PCDH9: variants seen among roughly 807,000 people sequenced by gnomAD.
The protein encoded by PCDH9 is protocadherin 9.
In PCDH9, 24 loss-of-function variants were observed where a neutral mutation model predicts 70.6. The observed-to-expected ratio is 0.34, with a 90% CI of 0.25 to 0.48. The LOEUF (loss-of-function observed/expected upper bound fraction) is 0.48, where lower values mean the gene tolerates loss of function less well. PCDH9 is among the 20% of genes least tolerant of loss of function. The pLI is 0.99. For missense variants in PCDH9, 1,281 were observed against 1,503.6 expected (o/e 0.85, Z 2.45); for synonymous variants, 562 against 558.5 (o/e 1.01, Z -0.09).
chr13:66,959,984 G>A (rs2083320857), intron 2 of PCDH9, among the ~76,000 whole-genome samples: 1 of 152,048 alleles, frequency 6.6e-6, no homozygotes. Flanking sequence ...TTCTAAAACA[G>A]CATCTAACAA....
chr13:66,615,025 A>G (rs2077338760), intron 4 of PCDH9, among the ~76,000 whole-genome samples: 1 of 152,228 alleles, frequency 6.6e-6, no homozygotes, highest in Non-Finnish European at 1.5e-5. Flanking sequence ...TCAAATAAGG[A>G]AGAGGAACAG....
intron 4 of PCDH9, among the ~76,000 whole-genome samples, chr13:66,534,509 A>G (rs1960605619): frequency 6.6e-6 from 1 of 152,022 alleles, no homozygotes; most frequent in Non-Finnish European, 1.5e-5. Context: ...AAGTGTATTT[A>G]TCCCACTCCT....
chr13:66,521,528 A>G (rs778938196), intron 4 of PCDH9, among the ~76,000 whole-genome samples: 1 of 152,160 alleles, frequency 6.6e-6, no homozygotes, highest in African/African-American at 2.4e-5. Context: ...AAAAGAAACT[A>G]CCTTTCAGTA....
Position 66,944,815 on chromosome 13 carries a change from C to CTGTGTGTG in PCDH9, c.3037-41211_3037-41210insCACACACA, listed in dbSNP as rs1412776510. Among the ~76,000 whole-genome samples, 10 of 60,138 alleles carry CTGTGTGTG rather than the reference C, an allele frequency of 1.7e-4. No individual in the cohort carries two copies. In the East Asian group the frequency reaches 2.0e-3, roughly 12 times the overall value. The allele number at this position is 60,138 out of a possible 152,430, so 39.5% of individuals were successfully genotyped here. On this transcript the variant is annotated intron_variant, in intron 2 of 4. Transcript: ENST00000377865. Reference sequence around the variant, plus strand: ...CATTTAAGGCCCATCTTCTAATCGTCTCTGTGTGTGTGTGTGTGTGTGTGT... The same window carrying CTGTGTGTG: ...CATTTAAGGCCCATCTTCTAATCGTCTGTGTGTGTCTGTGTGTGTGTGTGTGTGTGTGT...
At chr13:66,616,204 A>G (rs1304601993) in intron 4 of PCDH9, among the ~76,000 whole-genome samples, 1 of 152,184 alleles carries the variant, frequency 6.6e-6, no homozygotes, top group East Asian at 1.9e-4. Flanking sequence ...TCCAACTCAC[A>G]GGTGTTTGAG....
At chr13:66,427,738 T>C (rs968342991) in intron 4 of PCDH9, among the ~76,000 whole-genome samples, 1 of 151,722 alleles carries the variant, frequency 6.6e-6, no homozygotes, top group Non-Finnish European at 1.5e-5. Context: ...CGAAGAATGC[T>C]CAAGTATTGC....
At chr13:66,506,226 T>A (rs1780596172) in intron 4 of PCDH9, among the ~76,000 whole-genome samples, 2 of 152,164 alleles carry the variant, frequency 1.3e-5, no homozygotes, top group Admixed American at 1.3e-4. Flanking sequence ...GGGAGAAGGA[T>A]CCAGTTTTCA....
intron 3 of PCDH9, among the ~76,000 whole-genome samples, chr13:66,783,417 C>G (rs535988066): frequency 2.0e-5 from 3 of 152,022 alleles, no homozygotes; most frequent in Admixed American, 6.6e-5. Flanking sequence ...ACAGACACCT[C>G]GATCATACTT....
intron 4 of PCDH9, among the ~76,000 whole-genome samples, chr13:66,509,257 A>C (rs2138579863): frequency 6.6e-6 from 1 of 152,250 alleles, no homozygotes; most frequent in South Asian, 2.1e-4. Flanking sequence ...AAATGTAGGT[A>C]AATCTTTTCC....
chr13:67,149,168 T>C (rs1003163665), intron 2 of PCDH9, among the ~76,000 whole-genome samples: 3 of 152,136 alleles, frequency 2.0e-5, no homozygotes, highest in African/African-American at 7.2e-5. Flanking sequence ...AATAATTACA[T>C]TTAAAAAATG....
chr13:66,865,444 G>C (rs1465308183), intron 3 of PCDH9, among the ~76,000 whole-genome samples: 2 of 152,112 alleles, frequency 1.3e-5, no homozygotes, highest in Non-Finnish European at 2.9e-5. Context: ...TTACTAAAAT[G>C]ACTAAATAAT....
At chr13:67,000,389 AG>A (rs1327377777) in intron 2 of PCDH9, among the ~76,000 whole-genome samples, 2 of 151,056 alleles carry the variant, frequency 1.3e-5, no homozygotes, top group African/African-American at 4.9e-5. Flanking sequence ...CTAAATGACG[AG>A]TTAATGGGTG....
chr13:66,639,891 T>C (rs1031599584), intron 3 of PCDH9, among the ~76,000 whole-genome samples: 3 of 152,178 alleles, frequency 2.0e-5, no homozygotes, highest in Non-Finnish European at 2.9e-5. Flanking sequence ...GTACTTTATC[T>C]GAGCACACGA....
intron 4 of PCDH9, among the ~76,000 whole-genome samples, chr13:66,370,446 C>T (rs968822312): frequency 2.6e-5 from 4 of 151,406 alleles, no homozygotes; most frequent in African/African-American, 9.7e-5. Flanking sequence ...AATTGGACTT[C>T]TGTTGCCATA....
intron 3 of PCDH9, among the ~76,000 whole-genome samples, chr13:66,794,566 A>G (rs1357827198): frequency 3.3e-5 from 5 of 152,112 alleles, no homozygotes; most frequent in Non-Finnish European, 7.4e-5. Flanking sequence ...CCTTAGGATA[A>G]CAGCCACCAT....
chr13:66,839,559 G>T (rs2081081215), intron 3 of PCDH9, among the ~76,000 whole-genome samples: 1 of 152,102 alleles, frequency 6.6e-6, no homozygotes, highest in Non-Finnish European at 1.5e-5. Flanking sequence ...TTCAGTTCAG[G>T]TATCTTACCT....
At chr13:66,540,732 TATACAA>T (rs1245561719) in intron 4 of PCDH9, among the ~76,000 whole-genome samples, 1 of 152,218 alleles carries the variant, frequency 6.6e-6, no homozygotes, top group Admixed American at 6.5e-5. Flanking sequence ...ATGCCTTAGA[TATACAA>T]TAAACCATTA....
intron 3 of PCDH9, among the ~76,000 whole-genome samples, chr13:66,866,919 A>T (rs190473664): frequency 6.6e-6 from 1 of 152,268 alleles, no homozygotes; most frequent in East Asian, 1.9e-4. Flanking sequence ...AGAAAGCACA[A>T]TTCTTCTAAC....
At chr13:66,959,243 T>C (rs1004980826) in intron 2 of PCDH9, among the ~76,000 whole-genome samples, 2 of 152,106 alleles carry the variant, frequency 1.3e-5, no homozygotes, top group African/African-American at 4.8e-5. Context: ...CCTCCAAAAA[T>C]CTTAAATGAA....
Sources: gnomAD v4.1 joint callset for allele counts (sites outside exome capture counted in the v4.1 genomes callset) on GRCh38, gnomAD v4.1.1 for gene constraint, MANE v1.5 for transcripts, NCBI Gene and HGNC (gene_info 2026-07-23, HGNC 2026-07-21) for gene names.